The following DENND5A variants were observed in gnomAD, a reference collection of about 807,000 sequenced individuals.
DENND5A encodes DENN domain containing 5A.
Under a neutral mutation model 140.3 loss-of-function variants are expected in DENND5A, and 64 were observed. The observed-to-expected ratio is 0.46, with a 90% CI of 0.37 to 0.56. The LOEUF is 0.56. DENND5A is among the 20% of genes least tolerant of loss of function. The pLI, the probability that DENND5A is intolerant of heterozygous loss-of-function variation, is 0.00. For missense variants in DENND5A, 1,292 were observed against 1,593.8 expected, an observed-to-expected ratio of 0.81 and a Z score of 3.22; for synonymous variants, 605 against 607.7, an observed-to-expected ratio of 1.00 and a Z score of 0.07.
Position 9,163,245 on chromosome 11 carries a change from AG to A in DENND5A, c.2284-2381del, listed in dbSNP as rs547056525. Among the ~76,000 whole-genome samples, 17 of 152,316 alleles carry A rather than the reference AG, an allele frequency of 1.1e-4. 2 individuals are homozygous for A. In the South Asian group the frequency reaches 3.3e-3, roughly 30 times the overall value. On this transcript the variant is annotated intron_variant, in intron 11 of 22. Coordinates refer to ENST00000328194, the MANE Select transcript of DENND5A (RefSeq NM_015213.4). The stretch of plus-strand genomic sequence containing the variant: ...TGGGACATGCTCCAAAAGTTTCTCT[AG>A]GGAATATACCTAGGAGAAGAATTAC...
At chr11:9,178,489 A>G in intron 7 of DENND5A, 123 bp from the exon 8 acceptor site, 1 of 651,018 alleles carries the variant, frequency 1.5e-6, no homozygotes, top group Non-Finnish European at 2.7e-6. Flanking sequence ...CAAGCTGCAA[A>G]ATCTCTACAT....
chr11:9,160,924 G>A (rs112433826), intron 11 of DENND5A, 59 bp from the exon 12 acceptor site: 48 of 1,563,528 alleles, frequency 3.1e-5, no homozygotes, highest in East Asian at 2.0e-4. Flanking sequence ...ACATACAACC[G>A]GAGAGGGTTC....
intron 1 of DENND5A, among the ~76,000 whole-genome samples, chr11:9,264,165 T>A (rs1336417054): frequency 6.6e-6 from 1 of 152,132 alleles, no homozygotes; most frequent in Non-Finnish European, 1.5e-5. Flanking sequence ...CTGTATAATT[T>A]TCACGGCCTT....
intron 5 of DENND5A, among the ~76,000 whole-genome samples, chr11:9,184,558 T>C (rs1049162360): frequency 6.6e-6 from 1 of 152,182 alleles, no homozygotes; most frequent in Non-Finnish European, 1.5e-5. Context: ...AATTTACATT[T>C]TTAACCAGCA....
chr11:9,238,170 T>C (rs2136267425), intron 1 of DENND5A, among the ~76,000 whole-genome samples: 1 of 152,224 alleles, frequency 6.6e-6, no homozygotes, highest in Admixed American at 6.5e-5. Context: ...CTAAGATCGA[T>C]GGAATTTCAG....
At chr11:9,175,498 C>T (rs1381742124) in intron 8 of DENND5A, 1 of 151,922 alleles carries the variant, frequency 6.6e-6, no homozygotes, top group African/African-American at 2.4e-5. Context: ...TACAAAGAAC[C>T]CAGAATAGCC....
intron 9 of DENND5A, chr11:9,170,281 A>G (rs1486225984): frequency 1.0e-6 from 1 of 984,864 alleles, no homozygotes; most frequent in Non-Finnish European, 1.2e-6. Flanking sequence ...TAACTTACCT[A>G]CTTTTCAGTT....
intron 13 of DENND5A, 105 bp from the exon 14 acceptor site, chr11:9,150,869 A>G (rs1847592768): frequency 1.7e-6 from 1 of 583,014 alleles, no homozygotes; most frequent in South Asian, 2.6e-5. Context: ...ACAGGTGGTT[A>G]CACTGGTAAC....
intron 13 of DENND5A, among the ~76,000 whole-genome samples, chr11:9,151,129 C>T (rs1047897618): frequency 6.6e-6 from 1 of 152,210 alleles, no homozygotes; most frequent in African/African-American, 2.4e-5. Context: ...CATGCTCTCA[C>T]CATGATCCAC....
rs1320246924 is a variant in DENND5A at position 9,142,030 on chromosome 11, T to A, written c.3590A>T (p.Asn1197Ile). The change falls in exon 22 of 23, where the codon AAC becomes ATC. Residue 1197 changes from asparagine (N) to isoleucine (I), a missense_variant. Physicochemically the swap from Asn to Ile is moderately radical, Grantham distance 149 (BLOSUM62 -3). This residue lies in a region of DENND5A where 498 missense variants were observed against 689.7 expected (regional missense o/e 0.72). Coordinates refer to ENST00000328194, the MANE Select transcript of DENND5A (RefSeq NM_015213.4). Reference protein sequence around the residue: ...PEENWHTRARNFCRFVTAINN... With the variant: ...PEENWHTRARIFCRFVTAINN... ...GATTGCAGTGACAAATCGGCAGAAGTTCCGGGCTCTTGTATGCCAGTTTTC... is the reference window on the plus strand; with the variant it reads ...GATTGCAGTGACAAATCGGCAGAAGATCCGGGCTCTTGTATGCCAGTTTTC... 6.2e-7 allele frequency: 1 copy of A among 1,606,454 alleles called. No homozygotes were observed. The highest frequency in any genetic ancestry group is 8.5e-7 in the Non-Finnish European group (1 of 1,176,626).
At chr11:9,245,294 A>G (rs547998697) in intron 1 of DENND5A, 25 of 150,396 alleles carry the variant, frequency 1.7e-4, no homozygotes, top group African/African-American at 5.6e-4. Flanking sequence ...AAAAAAAAAA[A>G]AAACACAAAA....
At chr11:9,220,350 C>A (rs1352090304) in intron 1 of DENND5A, among the ~76,000 whole-genome samples, 6 of 151,974 alleles carry the variant, frequency 3.9e-5, no homozygotes, top group African/African-American at 1.2e-4. Flanking sequence ...GAGTTCAAGA[C>A]CAGTCTGACC....
At chr11:9,143,996 C>T (rs1164169132) in intron 19 of DENND5A, 101 bp downstream of exon 19, 2 of 1,381,822 alleles carry the variant, frequency 1.4e-6, no homozygotes, top group East Asian at 2.3e-5. Flanking sequence ...CCTGAGGCAG[C>T]TGCACAGGCT....
intron 1 of DENND5A, chr11:9,242,863 G>C (rs1851294511): frequency 6.6e-6 from 1 of 151,912 alleles, no homozygotes; most frequent in African/African-American, 2.4e-5. Flanking sequence ...GCCGAGGCGG[G>C]TGGATAACGA....
chr11:9,249,996 T>C (rs1471717578), intron 1 of DENND5A, among the ~76,000 whole-genome samples: 2 of 151,656 alleles, frequency 1.3e-5, no homozygotes, highest in Non-Finnish European at 2.9e-5. Context: ...CCAATTATTC[T>C]TTCTAAACCA....
chr11:9,161,164 G>A (rs1188382992), intron 11 of DENND5A, among the ~76,000 whole-genome samples: 3 of 152,126 alleles, frequency 2.0e-5, no homozygotes, highest in Non-Finnish European at 2.9e-5. Flanking sequence ...TGGCTAACAC[G>A]GTGAAACCCC....
At chr11:9,166,496 A>T (rs1228325788) in intron 10 of DENND5A, among the ~76,000 whole-genome samples, 1 of 152,118 alleles carries the variant, frequency 6.6e-6, no homozygotes, top group Non-Finnish European at 1.5e-5. Flanking sequence ...GTTTTAGCTG[A>T]TGTAAAGCAC....
At chr11:9,189,202 G>A (rs771017118) in intron 5 of DENND5A, among the ~76,000 whole-genome samples, 10 of 152,346 alleles carry the variant, frequency 6.6e-5, no homozygotes, top group Non-Finnish European at 1.2e-4. Context: ...CAGCTTCCAC[G>A]TGGTATTGAG....
At chr11:9,169,495 G>GCACGCACA (rs1554916427) in intron 10 of DENND5A, among the ~76,000 whole-genome samples, 6 of 145,716 alleles carry the variant, frequency 4.1e-5, no homozygotes, top group Non-Finnish European at 7.6e-5. Context: ...ATATACACAC[G>GCACGCACA]CACACACACA....
Sources: allele counts gnomAD v4.1 joint callset (sites outside exome capture counted in the v4.1 genomes callset), GRCh38; gene constraint gnomAD v4.1.1; regional missense constraint gnomAD v4.1.1; transcripts MANE v1.5; gene names NCBI Gene and HGNC (gene_info 2026-07-23, HGNC 2026-07-21).